The following TMCO4 variants were observed in gnomAD, a reference collection of about 807,000 sequenced individuals.
The protein encoded by TMCO4 is transmembrane and coiled-coil domain-containing protein 4.
A neutral mutation model predicts 64.7 loss-of-function variants in TMCO4; 58 were observed. That is an observed-to-expected ratio of 0.90 (90% CI 0.73 to 1.12). TMCO4 has a LOEUF of 1.12. TMCO4 is among the 50% of genes most tolerant of loss of function. The probability of loss-of-function intolerance (pLI) is 0.00; values close to 1 mark genes in which losing one functional copy is unlikely to be tolerated. For missense variants in TMCO4, 780 were observed against 825.9 expected, an observed-to-expected ratio of 0.94 and a Z score of 0.68; for synonymous variants, 325 against 346.1, an observed-to-expected ratio of 0.94 and a Z score of 0.68.
intron 13 of TMCO4, among the ~76,000 whole-genome samples, chr1:19,722,623 CTTTATAG>C (rs71809541): frequency 0.015 from 2,304 of 152,228 alleles, 30 homozygotes; most frequent in Non-Finnish European, 0.026. Context: ...TCTGCATATA[CTTTATAG>C]TTTAGGAGTA....
At position 19,683,352 on chromosome 1, in the gene TMCO4, G is replaced by A. The variant is rs1334819046; in HGVS notation, c.1593C>T (p.Leu531=). ...AGGGCAGGCAGCCTGGGGCCAGCAA[G>A]AGCCCCTTCTCGTCCCAGCCTGGCT... is the stretch of plus-strand genomic sequence containing the variant. ...RTKPGWDEKG[L]LLAPGCLPSE... Residue 531 remains leucine (L), a synonymous_variant, in exon 16 of 16, where the codon CTC becomes CTT. Transcript: ENST00000294543. 1.2e-6 allele frequency: 2 copies of A among 1,614,000 alleles called. No individual in the cohort carries two copies. The highest frequency in any genetic ancestry group is 2.2e-5 in the South Asian group (2 of 91,076).
intron 15 of TMCO4, among the ~76,000 whole-genome samples, chr1:19,688,390 C>T (rs1047584497): frequency 6.6e-6 from 1 of 152,152 alleles, no homozygotes; most frequent in African/African-American, 2.4e-5. Flanking sequence ...GACACCCCAA[C>T]TTACCCAAAC....
At chr1:19,784,637 C>T (rs576610525) in intron 3 of TMCO4, among the ~76,000 whole-genome samples, 1 of 152,244 alleles carries the variant, frequency 6.6e-6, no homozygotes, top group Admixed American at 6.5e-5. Flanking sequence ...ATAGTGGCCT[C>T]AGTGACCTTT....
At chr1:19,710,546 T>C (rs2095326189) in intron 13 of TMCO4, among the ~76,000 whole-genome samples, 1 of 152,218 alleles carries the variant, frequency 6.6e-6, no homozygotes, top group Non-Finnish European at 1.5e-5. Context: ...GAGGTAAGCA[T>C]GACCACTTCC....
At chr1:19,695,716 T>G (rs1376864168) in intron 14 of TMCO4, among the ~76,000 whole-genome samples, 3 of 152,102 alleles carry the variant, frequency 2.0e-5, no homozygotes, top group African/African-American at 7.2e-5. Context: ...GCTCTGACCC[T>G]CTGTGGTCTC....
At chr1:19,788,544 G>A (rs887443507) in intron 2 of TMCO4, among the ~76,000 whole-genome samples, 4 of 152,066 alleles carry the variant, frequency 2.6e-5, no homozygotes, top group African/African-American at 4.8e-5. Flanking sequence ...AATAAGTGTC[G>A]ATTTTGAGAT....
intron 13 of TMCO4, among the ~76,000 whole-genome samples, chr1:19,724,537 C>T (rs1397970107): frequency 1.3e-5 from 2 of 152,176 alleles, no homozygotes; most frequent in Non-Finnish European, 2.9e-5. Context: ...TGAGGGAAAA[C>T]AGGCAAAGCC....
chr1:19,684,163 C>G (rs928783878), intron 15 of TMCO4, among the ~76,000 whole-genome samples: 14 of 144,680 alleles, frequency 9.7e-5, no homozygotes, highest in Admixed American at 5.0e-4. Context: ...GATGGGTTCT[C>G]TCTCTCTCGT....
chr1:19,771,463 T>C lies in TMCO4; in HGVS notation c.199A>G (p.Met67Val), dbSNP rs1014833444. The change falls in exon 5 of 16, where the codon ATG becomes GTG. Residue 67 changes from methionine (M) to valine (V), a missense_variant. Transcript: ENST00000294543. ...PEHSSFCTEF[M>V]AGLVQWLELS... ...TCCAGCCACTGCACCAGGCCTGCCA[T>C]GAACTCTGTGCAGAAGGAGCTGAAA... The C allele has an allele frequency of 6.2e-7, 1 of 1,614,096 alleles. No individual in the cohort carries two copies. Among genetic ancestry groups the C allele is most frequent in the Non-Finnish European group, 8.5e-7 (1 of 1,180,014 alleles).
intron 4 of TMCO4, among the ~76,000 whole-genome samples, chr1:19,779,949 A>G (rs1477456911): frequency 2.6e-5 from 4 of 152,156 alleles, no homozygotes; most frequent in African/African-American, 9.7e-5. Context: ...GAATAACTGA[A>G]TGAGGGGATG....
In TMCO4 at chr1:19,745,531, C is replaced by G. The variant is rs145825608; in HGVS notation, c.877+1G>C. 6.2e-7 allele frequency: 1 copy of G among 1,614,092 alleles called. No individual in the cohort carries two copies. The highest frequency in any genetic ancestry group is 1.3e-5 in the African/African-American group (1 of 75,050). ...CCACTTCTGGTCCTCCTGGTCCTCA[C>G]GGTATTTGCCAGAAGCGAGCCACCC... On this transcript the variant is annotated splice_donor_variant, in intron 10 of 15. Coordinates refer to ENST00000294543, the MANE Select transcript of TMCO4 (RefSeq NM_181719.7). LOFTEE classifies it high-confidence loss of function.
chr1:19,743,244 G>T lies in TMCO4; in HGVS notation c.877+2288C>A, dbSNP rs1375761490. Among the ~76,000 whole-genome samples, 2 of 152,070 alleles carry T rather than the reference G, an allele frequency of 1.3e-5. No homozygotes were observed. Among genetic ancestry groups the T allele is most frequent in the African/African-American group, 4.8e-5 (2 of 41,404 alleles). ...CTCAGTTTCCTCATCTGGAAAAGGG[G>T]AGTGCGAATGACAGCCACTTCCCTG... On this transcript the variant is annotated intron_variant, in intron 10 of 15. Transcript: ENST00000294543. This position sits in a 1 kb window ranked among gnomAD's most constrained non-coding sequence, Gnocchi z 4.1.
Position 19,682,604 on chromosome 1 carries a change from T to G in TMCO4, c.*436A>C, listed in dbSNP as rs1033704508. 12 of 717,320 alleles carry G rather than the reference T, an allele frequency of 1.7e-5. No individual in the cohort carries two copies. In the Admixed American group the frequency reaches 2.4e-4, roughly 14 times the overall value. The allele number at this position is 717,320 out of a possible 1,614,324, so 44.4% of individuals were successfully genotyped here. A position where few individuals can be genotyped will look rare whatever the true frequency, so the allele number is the denominator to read the frequency against. On this transcript the variant is annotated 3_prime_UTR_variant, in exon 16 of 16. Coordinates refer to ENST00000294543, the MANE Select transcript of TMCO4 (RefSeq NM_181719.7). Reference sequence around the variant, plus strand: ...CTGGTGGGCAGCCCTGGAGTGTGGATGGAAGAACAGGCATGCACCTGGTTT... The same window carrying G: ...CTGGTGGGCAGCCCTGGAGTGTGGAGGGAAGAACAGGCATGCACCTGGTTT...
Position 19,734,670 on chromosome 1 carries a change from C to T in TMCO4, c.1264+2702G>A, listed in dbSNP as rs1570809200. On this transcript the variant is annotated intron_variant, in intron 13 of 15. Coordinates refer to ENST00000294543, the MANE Select transcript of TMCO4 (RefSeq NM_181719.7). This position sits in a 1 kb window ranked among gnomAD's most constrained non-coding sequence, Gnocchi z 4.4. ...CGTTTCTAGACACCCCTGAGAGCCCCGCCTTTGCCCATGCTGGCCGACCCT... is the reference window on the plus strand; with the variant it reads ...CGTTTCTAGACACCCCTGAGAGCCCTGCCTTTGCCCATGCTGGCCGACCCT... 6.6e-6 allele frequency among the ~76,000 whole-genome samples: 1 copy of T among 152,148 alleles called. No homozygotes were observed. Among genetic ancestry groups the T allele is most frequent in the Non-Finnish European group, 1.5e-5 (1 of 68,030 alleles).
At chr1:19,698,851 T>C (rs1207161950) in intron 14 of TMCO4, among the ~76,000 whole-genome samples, 3 of 152,378 alleles carry the variant, frequency 2.0e-5, no homozygotes, top group Admixed American at 2.0e-4. Context: ...GTGTTCCCAC[T>C]GCACACATGC....
At chr1:19,719,923 G>A (rs1249654206) in intron 13 of TMCO4, among the ~76,000 whole-genome samples, 1 of 152,040 alleles carries the variant, frequency 6.6e-6, no homozygotes, top group Non-Finnish European at 1.5e-5. Flanking sequence ...AACCCAGGAG[G>A]TGGAGATGCA....
intron 13 of TMCO4, among the ~76,000 whole-genome samples, chr1:19,712,836 A>G (rs990607942): frequency 3.9e-5 from 6 of 152,280 alleles, no homozygotes; most frequent in African/African-American, 4.8e-5. Context: ...GCTTAAAATA[A>G]TCAGTGATTA....
At chr1:19,718,708 G>A (rs940189912) in intron 13 of TMCO4, among the ~76,000 whole-genome samples, 4 of 149,464 alleles carry the variant, frequency 2.7e-5, no homozygotes, top group Non-Finnish European at 4.4e-5. Flanking sequence ...GTGTCATAAT[G>A]CCCACACCTT....
chr1:19,689,948 C>G (rs902132646), intron 15 of TMCO4, among the ~76,000 whole-genome samples: 2 of 152,220 alleles, frequency 1.3e-5, no homozygotes, highest in African/African-American at 2.4e-5. Context: ...AAAAAAACAG[C>G]CTGAAGGCTG....
Sources: gnomAD v4.1 joint callset for allele counts (sites outside exome capture counted in the v4.1 genomes callset) on GRCh38, gnomAD v4.1.1 for gene constraint, Gnocchi (gnomAD v3.1) non-coding constraint, MANE v1.5 for transcripts, NCBI Gene and HGNC (gene_info 2026-07-23, HGNC 2026-07-21) for gene names.